Variants in UBAC2 observed in about 807,000 individuals in gnomAD.
UBAC2 encodes ubiquitin-associated domain-containing protein 2.
A neutral mutation model predicts 44.0 loss-of-function variants in UBAC2; 26 were observed. That is an observed-to-expected ratio of 0.59 (90% CI 0.43 to 0.82). The LOEUF (loss-of-function observed/expected upper bound fraction) is 0.82, where lower values mean the gene tolerates loss of function less well. UBAC2 is among the 40% of genes least tolerant of loss of function. UBAC2 has a pLI of 0.00. For synonymous variants in UBAC2, 155 were observed against 154.3 expected (o/e 1.00, Z -0.04); for missense variants, 329 against 419.4 (o/e 0.78, Z 1.88).
intron 1 of UBAC2, among the ~76,000 whole-genome samples, chr13:99,235,717 A>G (rs1350776348): frequency 6.6e-6 from 1 of 152,172 alleles, no homozygotes; most frequent in South Asian, 2.1e-4. Flanking sequence ...GCTCATGCCT[A>G]TCATCCTAAC....
intron 6 of UBAC2, among the ~76,000 whole-genome samples, chr13:99,321,656 T>C (rs1218295910): frequency 3.9e-5 from 6 of 152,216 alleles, no homozygotes; most frequent in Non-Finnish European, 7.3e-5. Flanking sequence ...TAATTATAGA[T>C]GTCTTTGAAT....
intron 6 of UBAC2, among the ~76,000 whole-genome samples, chr13:99,333,091 G>A (rs921398588): frequency 2.9e-5 from 4 of 140,122 alleles, no homozygotes; most frequent in Non-Finnish European, 3.3e-5. Context: ...GTGAAACCCC[G>A]TCTCTGGGGG....
chr13:99,302,540 C>T lies in UBAC2; in HGVS notation c.390-11557C>T, dbSNP rs554490866. 3.3e-5 allele frequency among the ~76,000 whole-genome samples: 5 copies of T among 152,344 alleles called. No individual in the cohort carries two copies. In the East Asian group the frequency reaches 9.6e-4, roughly 29 times the overall value. On this transcript the variant is annotated intron_variant, in intron 4 of 8. Transcript: ENST00000403766. Reference sequence around the variant, plus strand: ...ATTTGAAAACGCCTTCTTGTTCAAACAGGGGCATCTAAATTTGGCCCAGTG... The same window carrying T: ...ATTTGAAAACGCCTTCTTGTTCAAATAGGGGCATCTAAATTTGGCCCAGTG...
intron 6 of UBAC2, among the ~76,000 whole-genome samples, chr13:99,324,897 A>C (rs776433456): frequency 5.9e-5 from 9 of 152,176 alleles, no homozygotes; most frequent in African/African-American, 2.2e-4. Context: ...AATATATATA[A>C]ATGAAAATAT....
At chr13:99,288,641 T>G (rs2044051091) in intron 4 of UBAC2, among the ~76,000 whole-genome samples, 1 of 152,214 alleles carries the variant, frequency 6.6e-6, no homozygotes, top group Admixed American at 6.5e-5. Flanking sequence ...TCTTATACTC[T>G]CAACAGAAAA....
At chr13:99,357,095 T>G (rs1311189318) in intron 7 of UBAC2, among the ~76,000 whole-genome samples, 1 of 152,246 alleles carries the variant, frequency 6.6e-6, no homozygotes, top group Non-Finnish European at 1.5e-5. Context: ...CTCATAAGAT[T>G]ATGATGCCAT....
intron 1 of UBAC2, among the ~76,000 whole-genome samples, chr13:99,229,972 T>C (rs576905847): frequency 5.3e-4 from 81 of 152,354 alleles, no homozygotes; most frequent in African/African-American, 1.7e-3. Flanking sequence ...TTAAACCTTG[T>C]GAATTGTCAT....
chr13:99,268,633 AAG>A (rs2043776735), intron 4 of UBAC2, among the ~76,000 whole-genome samples: 4 of 140,376 alleles, frequency 2.8e-5, no homozygotes, highest in East Asian at 2.0e-4. Flanking sequence ...AAAAAAAAAA[AAG>A]AAACACAAAA....
At chr13:99,236,819 C>T (rs2043238857) in intron 1 of UBAC2, among the ~76,000 whole-genome samples, 1 of 152,080 alleles carries the variant, frequency 6.6e-6, no homozygotes, top group Non-Finnish European at 1.5e-5. Context: ...CACTTCACTC[C>T]AGCCTGGGCG....
chr13:99,274,405 G>A (rs1038466017), intron 4 of UBAC2, among the ~76,000 whole-genome samples: 10 of 149,982 alleles, frequency 6.7e-5, no homozygotes, highest in African/African-American at 2.5e-4. Flanking sequence ...GATCACAGCA[G>A]CCTCGACCTC....
intron 4 of UBAC2, chr13:99,255,815 C>T: frequency 1.2e-6 from 2 of 1,608,776 alleles, no homozygotes; most frequent in Non-Finnish European, 1.7e-6. Context: ...ATTTTGTATT[C>T]ATCTGGATGT....
At chr13:99,350,629 C>T (rs749106721) in intron 7 of UBAC2, among the ~76,000 whole-genome samples, 3 of 152,242 alleles carry the variant, frequency 2.0e-5, no homozygotes, top group Admixed American at 2.0e-4. Flanking sequence ...TCTGACTGTT[C>T]ATCTGTATCC....
chr13:99,355,773 C>A (rs2045171226), intron 7 of UBAC2, among the ~76,000 whole-genome samples: 1 of 152,218 alleles, frequency 6.6e-6, no homozygotes, highest in Non-Finnish European at 1.5e-5. Flanking sequence ...CCACAAGCCC[C>A]CCCGCAGCTG....
chr13:99,370,942 AAG>A (rs1383547815), intron 8 of UBAC2, among the ~76,000 whole-genome samples: 2 of 152,268 alleles, frequency 1.3e-5, no homozygotes, highest in East Asian at 3.8e-4. Context: ...TTTAAAAAAT[AAG>A]ATACTGCTGT....
At chr13:99,362,844 T>C (rs932166544) in intron 7 of UBAC2, among the ~76,000 whole-genome samples, 9 of 152,236 alleles carry the variant, frequency 5.9e-5, no homozygotes, top group African/African-American at 2.2e-4. Context: ...GTAGTTTGTC[T>C]TATTTAATTC....
At chr13:99,239,899 C>G (rs2043280934) in intron 2 of UBAC2, among the ~76,000 whole-genome samples, 1 of 152,104 alleles carries the variant, frequency 6.6e-6, no homozygotes, top group South Asian at 2.1e-4. Context: ...AAATAGGGAC[C>G]AGTATTGGGG....
chr13:99,231,047 C>CAAA (rs149090712), intron 1 of UBAC2, among the ~76,000 whole-genome samples: 1 of 147,318 alleles, frequency 6.8e-6, no homozygotes, highest in East Asian at 2.0e-4. Flanking sequence ...GACTCCGTCT[C>CAAA]AAAAAAAAAA....
At chr13:99,249,186 C>G (rs576685042) in intron 4 of UBAC2, among the ~76,000 whole-genome samples, 4 of 151,874 alleles carry the variant, frequency 2.6e-5, no homozygotes, top group Non-Finnish European at 5.9e-5. Context: ...CCGTCCTTCC[C>G]CCTCCCTTCT....
chr13:99,355,488 G>T (rs1163847049), intron 7 of UBAC2, among the ~76,000 whole-genome samples: 2 of 152,248 alleles, frequency 1.3e-5, no homozygotes, highest in African/African-American at 4.8e-5. Context: ...CTGCGCTGAT[G>T]TCCCTGACCT....
Sources: allele counts gnomAD v4.1 joint callset (sites outside exome capture counted in the v4.1 genomes callset), GRCh38; gene constraint gnomAD v4.1.1; transcripts MANE v1.5; gene names NCBI Gene and HGNC (gene_info 2026-07-23, HGNC 2026-07-21).